The following FHIT variants were observed in gnomAD, a reference collection of about 807,000 sequenced individuals.
FHIT encodes bis(5'-adenosyl)-triphosphatase.
Under a neutral mutation model 17.9 loss-of-function variants are expected in FHIT, and 19 were observed. The ratio of observed to expected loss-of-function variants is 1.06; its 90% CI spans 0.74 to 1.56. FHIT has a LOEUF of 1.56. Among genes scored for constraint, FHIT ranks in the 40% most tolerant of loss-of-function variants. FHIT has a pLI of 0.00. For missense variants in FHIT, 248 were observed against 189.2 expected (o/e 1.31, Z -1.82); for synonymous variants, 81 against 69.7 (o/e 1.16, Z -0.81).
intron 5 of FHIT, among the ~76,000 whole-genome samples, chr3:60,514,614 A>G (rs10470699): frequency 0.16 from 23,996 of 152,162 alleles, 2,214 homozygotes; most frequent in Middle Eastern, 0.25. Context: ...TAACAAACCC[A>G]CACATGCTGC....
At chr3:61,199,782 T>C (rs927143097) in intron 2 of FHIT, among the ~76,000 whole-genome samples, 2 of 152,146 alleles carry the variant, frequency 1.3e-5, no homozygotes, top group African/African-American at 2.4e-5. Context: ...GTATCAAAAA[T>C]GTAATTTATG....
intron 5 of FHIT, among the ~76,000 whole-genome samples, chr3:60,250,178 T>G (rs1337545165): frequency 6.6e-6 from 1 of 152,086 alleles, no homozygotes; most frequent in Non-Finnish European, 1.5e-5. Flanking sequence ...AGGCCATACA[T>G]GCACTAGATA....
intron 8 of FHIT, among the ~76,000 whole-genome samples, chr3:59,865,935 T>C (rs1028408889): frequency 1.3e-5 from 2 of 152,180 alleles, no homozygotes; most frequent in African/African-American, 4.8e-5. Context: ...CCTCACTGCA[T>C]CCAGAGCAGT....
intron 5 of FHIT, among the ~76,000 whole-genome samples, chr3:60,211,068 TAAAAA>T (rs10663373): frequency 2.4e-5 from 2 of 84,466 alleles, no homozygotes; most frequent in African/African-American, 9.3e-5. Flanking sequence ...TATAAAACCG[TAAAAA>T]AAAAAAAAAA....
At chr3:60,058,539 T>C (rs1313669884) in intron 5 of FHIT, among the ~76,000 whole-genome samples, 1 of 152,230 alleles carries the variant, frequency 6.6e-6, no homozygotes, top group Non-Finnish European at 1.5e-5. Flanking sequence ...TTAGAAATGG[T>C]TAACATGCTA....
At chr3:61,185,233 C>T (rs1047519470) in intron 2 of FHIT, among the ~76,000 whole-genome samples, 3 of 152,140 alleles carry the variant, frequency 2.0e-5, no homozygotes, top group African/African-American at 4.8e-5. Flanking sequence ...TTTGCTTTAT[C>T]AGGAGAAGCA....
chr3:59,860,998 G>A (rs1702379490), intron 8 of FHIT, among the ~76,000 whole-genome samples: 1 of 152,084 alleles, frequency 6.6e-6, no homozygotes, highest in South Asian at 2.1e-4. Flanking sequence ...CTGAAGAGAA[G>A]AGGAAGAAAG....
rs139579393 is a variant in FHIT, at chr3:60,589,189, A to T, written c.-17-52210T>A. Among the ~76,000 whole-genome samples the T allele has an allele frequency of 4.3e-3, 655 of 152,160 alleles. 7 individuals carry two copies. The highest frequency in any genetic ancestry group is 0.015 in the African/African-American group (618 of 41,548). On this transcript the variant is annotated intron_variant, in intron 4 of 9. Coordinates refer to ENST00000492590, the MANE Select transcript of FHIT (RefSeq NM_002012.4). ...AACCTTTTTATATAGAGAGAGAAAA[A>T]GTATAACCCAATGTAAGCACAAGGT...
At chr3:60,963,485 T>C (rs1325924695) in intron 3 of FHIT, among the ~76,000 whole-genome samples, 1 of 152,222 alleles carries the variant, frequency 6.6e-6, no homozygotes, top group Non-Finnish European at 1.5e-5. Context: ...TTGAATGTGT[T>C]TGCTCTTGCT....
intron 8 of FHIT, among the ~76,000 whole-genome samples, chr3:59,839,910 T>A (rs983843808): frequency 4.6e-5 from 7 of 152,222 alleles, no homozygotes; most frequent in African/African-American, 1.7e-4. Flanking sequence ...ACAAGGTCCC[T>A]CAAGGGAGAA....
At chr3:59,866,738 G>A (rs1427577328) in intron 8 of FHIT, among the ~76,000 whole-genome samples, 1 of 152,154 alleles carries the variant, frequency 6.6e-6, no homozygotes, top group Non-Finnish European at 1.5e-5. Flanking sequence ...AGGAGATAGT[G>A]CTTAGAAAGA....
At chr3:60,679,285 T>C (rs1019658967) in intron 4 of FHIT, among the ~76,000 whole-genome samples, 1 of 152,308 alleles carries the variant, frequency 6.6e-6, no homozygotes, top group South Asian at 2.1e-4. Context: ...TAAAAAGTCC[T>C]ACCCATTTTA....
intron 5 of FHIT, among the ~76,000 whole-genome samples, chr3:60,105,589 C>A (rs1704374162): frequency 6.6e-6 from 1 of 152,246 alleles, no homozygotes; most frequent in Non-Finnish European, 1.5e-5. Context: ...TGTGTCACTA[C>A]TCAGCTAATG....
intron 4 of FHIT, among the ~76,000 whole-genome samples, chr3:60,642,022 A>G (rs1265490288): frequency 1.3e-5 from 2 of 152,140 alleles, no homozygotes; most frequent in Admixed American, 1.3e-4. Flanking sequence ...GACGACTATC[A>G]TCACTGCTAC....
intron 5 of FHIT, among the ~76,000 whole-genome samples, chr3:60,113,245 T>C (rs1704759990): frequency 1.3e-5 from 2 of 152,220 alleles, no homozygotes; most frequent in Admixed American, 1.3e-4. Flanking sequence ...TTTTCACGTC[T>C]GTATCCCCAA....
chr3:60,793,584 T>C (rs1166816991), intron 4 of FHIT, among the ~76,000 whole-genome samples: 1 of 152,210 alleles, frequency 6.6e-6, no homozygotes, highest in Non-Finnish European at 1.5e-5. Flanking sequence ...ATTATAGGCA[T>C]GAGCCATAGC....
intron 2 of FHIT, among the ~76,000 whole-genome samples, chr3:61,189,748 G>A (rs1378823109): frequency 6.6e-6 from 1 of 151,922 alleles, no homozygotes; most frequent in Non-Finnish European, 1.5e-5. Flanking sequence ...ATAGATCAAT[G>A]GAACAGAACA....
At chr3:61,041,328 G>A (rs2033503515) in intron 3 of FHIT, among the ~76,000 whole-genome samples, 1 of 151,384 alleles carries the variant, frequency 6.6e-6, no homozygotes, top group Admixed American at 6.6e-5. Flanking sequence ...GGTGAGCTGA[G>A]ATCACGCCAC....
intron 8 of FHIT, among the ~76,000 whole-genome samples, chr3:59,891,753 T>G (rs1292287174): frequency 6.6e-6 from 1 of 152,134 alleles, no homozygotes; most frequent in Non-Finnish European, 1.5e-5. Context: ...TTCTTAAAAA[T>G]TGGATATTCC....
Sources: allele counts gnomAD v4.1 joint callset (sites outside exome capture counted in the v4.1 genomes callset), GRCh38; gene constraint gnomAD v4.1.1; transcripts MANE v1.5; gene names NCBI Gene and HGNC (gene_info 2026-07-23, HGNC 2026-07-21).